Variants in SFRP1 observed in about 807,000 individuals in gnomAD.
SFRP1 encodes secreted frizzled-related protein 1.
In SFRP1, 9 loss-of-function variants were observed where a neutral mutation model predicts 25.9. The observed-to-expected ratio is 0.35, with a 90% CI of 0.21 to 0.61. The LOEUF (loss-of-function observed/expected upper bound fraction) is 0.61, where lower values mean the gene tolerates loss of function less well. Ranked by LOEUF, SFRP1 falls within the 20% of genes least tolerant of loss-of-function variation. The pLI is 0.78. For synonymous variants in SFRP1, 178 were observed against 174.0 expected, an observed-to-expected ratio of 1.02 and a Z score of -0.18; for missense variants, 346 against 418.2, an observed-to-expected ratio of 0.83 and a Z score of 1.51.
intron 2 of SFRP1, among the ~76,000 whole-genome samples, chr8:41,294,509 T>G (rs1803816664): frequency 3.3e-5 from 5 of 152,128 alleles, no homozygotes; most frequent in Admixed American, 3.3e-4. Context: ...GGGAAGCTGG[T>G]TTCTCGTTTT....
rs1162079487 is a variant in SFRP1, at chr8:41,308,824, G to C, written c.336C>G (p.Phe112Leu). 1 of 1,610,500 alleles carries C rather than the reference G, an allele frequency of 6.2e-7. No homozygotes were observed. Among genetic ancestry groups the C allele is most frequent in the Admixed American group, 1.7e-5 (1 of 59,944 alleles). Reference sequence around the variant, plus strand: ...AGACGGGCGCGAAGAGCGAGCAGAGGAAGACCTGGGTGCCGGCGTGGCAGT... The same window carrying C: ...AGACGGGCGCGAAGAGCGAGCAGAGCAAGACCTGGGTGCCGGCGTGGCAGT... ...NKNCHAGTQV[F>L]LCSLFAPVCL... is the part of the protein sequence containing the mutation. Residue 112 changes from phenylalanine to leucine, a missense_variant, in exon 1 of 3, where the codon TTC (phenylalanine) becomes TTG (leucine). By Grantham distance (22) the Phe-to-Leu change is conservative (BLOSUM62 0). Coordinates refer to ENST00000220772, the MANE Select transcript of SFRP1 (RefSeq NM_003012.5).
In SFRP1 at chr8:41,264,158, A is replaced by G. The variant is rs1483627678; in HGVS notation, c.*1009T>C. ...TTCTAGCACACCTTTCAAATGCTCAATGTAGACTGTTTTAAAACCTTGAAA... is the reference window on the plus strand; with the variant it reads ...TTCTAGCACACCTTTCAAATGCTCAGTGTAGACTGTTTTAAAACCTTGAAA... On this transcript the variant is annotated 3_prime_UTR_variant, in exon 3 of 3. Coordinates refer to ENST00000220772, the MANE Select transcript of SFRP1 (RefSeq NM_003012.5). 1 of 152,224 alleles carries G rather than the reference A, an allele frequency of 6.6e-6. No individual in the cohort carries two copies. The highest frequency in any genetic ancestry group is 1.5e-5 in the Non-Finnish European group (1 of 68,038). The allele number at this position is 152,224 out of a possible 1,614,324, so 9.4% of individuals were successfully genotyped here.
At chr8:41,271,316 C>T (rs555257459) in intron 2 of SFRP1, 1 of 153,888 alleles carries the variant, frequency 6.5e-6, no homozygotes, top group East Asian at 1.9e-4. Flanking sequence ...ATGGCAGAGA[C>T]TGTAACATAC....
chr8:41,299,070 G>A (rs1220809150), intron 2 of SFRP1, among the ~76,000 whole-genome samples: 5 of 151,946 alleles, frequency 3.3e-5, no homozygotes, highest in African/African-American at 4.8e-5. Context: ...ACACTGGCTC[G>A]GCCTCCATCT....
At chr8:41,288,050 T>C (rs1038982558) in intron 2 of SFRP1, among the ~76,000 whole-genome samples, 1 of 132,346 alleles carries the variant, frequency 7.6e-6, no homozygotes, top group Non-Finnish European at 1.7e-5. Context: ...AGACCCCGTT[T>C]CTATAAAAAA....
chr8:41,306,586 G>A lies in SFRP1; in HGVS notation c.544+2030C>T, dbSNP rs1803999702. On this transcript the variant is annotated intron_variant, in intron 1 of 2. Coordinates refer to ENST00000220772, the MANE Select transcript of SFRP1 (RefSeq NM_003012.5). ...CACCAGGGATTGCAGTCCTGGGGAGGGTGGTGTGCCATCTCAGGGCAGAGC... is the reference window on the plus strand; with the variant it reads ...CACCAGGGATTGCAGTCCTGGGGAGAGTGGTGTGCCATCTCAGGGCAGAGC... The A allele has an allele frequency of 2.0e-5, 20 of 1,020,564 alleles. 1 individual carries two copies. In the South Asian group the frequency reaches 3.3e-4, roughly 17 times the overall value. The allele number at this position is 1,020,564 out of a possible 1,614,324, so 63.2% of individuals were successfully genotyped here. A position where few individuals can be genotyped will look rare whatever the true frequency, so the allele number is the denominator to read the frequency against.
intron 2 of SFRP1, among the ~76,000 whole-genome samples, chr8:41,272,219 A>G (rs1324862425): frequency 6.6e-6 from 1 of 152,252 alleles, no homozygotes. Flanking sequence ...AATATTAACC[A>G]AAAGTGTGAT....
At chr8:41,301,549 C>A (rs1217011882) in intron 2 of SFRP1, among the ~76,000 whole-genome samples, 1 of 152,208 alleles carries the variant, frequency 6.6e-6, no homozygotes, top group Non-Finnish European at 1.5e-5. Context: ...ATACACCATA[C>A]GCACACTAAG....
At chr8:41,306,477 A>G (rs994487562) in intron 1 of SFRP1, among the ~76,000 whole-genome samples, 5 of 145,460 alleles carry the variant, frequency 3.4e-5, no homozygotes, top group Non-Finnish European at 7.4e-5. Flanking sequence ...CCCTCTACAC[A>G]CCTACACACA....
At chr8:41,271,475 G>A (rs141777644) in intron 2 of SFRP1, 193 of 186,734 alleles carry the variant, frequency 1.0e-3, no homozygotes, top group African/African-American at 3.5e-3. Flanking sequence ...AAAAAAATTC[G>A]GCCAGGGTTC....
In SFRP1 at chr8:41,264,783, C is replaced by T. The variant is rs1803413960; in HGVS notation, c.*384G>A. The T allele has an allele frequency of 5.2e-6, 1 of 191,030 alleles. No homozygotes were observed. Among genetic ancestry groups the T allele is most frequent in the Non-Finnish European group, 1.1e-5 (1 of 93,012 alleles). 11.8% of individuals were successfully genotyped at this position (191,030 alleles called of 1,614,324 possible). A position where few individuals can be genotyped will look rare whatever the true frequency, so the allele number is the denominator to read the frequency against. ...GAAAGGCATAGATCAGCCAATAGAT[C>T]CACACCAACAAGTTGCAAAATGTAG... On this transcript the variant is annotated 3_prime_UTR_variant, in exon 3 of 3. Transcript: ENST00000220772.
chr8:41,264,958 C>T lies in SFRP1; in HGVS notation c.*209G>A. ...AAAAACCTTCCTAATCTAAATGGCC[C>T]TTGCTTTACCCGGCCATGGCTACCC... On this transcript the variant is annotated 3_prime_UTR_variant, in exon 3 of 3. Coordinates refer to ENST00000220772, the MANE Select transcript of SFRP1 (RefSeq NM_003012.5). 3.6e-6 allele frequency: 2 copies of T among 549,434 alleles called. No individual in the cohort carries two copies. The highest frequency in any genetic ancestry group is 6.4e-6 in the Non-Finnish European group (2 of 311,478). The allele number at this position is 549,434 out of a possible 1,614,324, so 34.0% of individuals were successfully genotyped here. A position where few individuals can be genotyped will look rare whatever the true frequency, so the allele number is the denominator to read the frequency against.
intron 2 of SFRP1, among the ~76,000 whole-genome samples, chr8:41,278,526 A>G (rs1208348145): frequency 1.3e-5 from 2 of 152,144 alleles, no homozygotes; most frequent in African/African-American, 4.8e-5. Context: ...GCATCTTCCT[A>G]TTTCCTTTCC....
rs372814919 is a variant in SFRP1 at position 41,307,173 on chromosome 8, C to T, written c.544+1443G>A. 3.1e-3 allele frequency among the ~76,000 whole-genome samples: 469 copies of T among 152,320 alleles called. 1 individual carries two copies. The highest frequency in any genetic ancestry group is 0.011 in the African/African-American group (448 of 41,560). On this transcript the variant is annotated intron_variant, in intron 1 of 2. Transcript: ENST00000220772. ...CAGAACACAAGGCGCTTTGTTTGCT[C>T]CAGGTAACTGCTCAGTTCTCGCTCA...
intron 2 of SFRP1, among the ~76,000 whole-genome samples, chr8:41,272,021 A>C (rs573606147): frequency 6.6e-6 from 1 of 152,356 alleles, no homozygotes; most frequent in East Asian, 1.9e-4. Flanking sequence ...TTCCTAAAAC[A>C]AGAACAGAAA....
intron 2 of SFRP1, among the ~76,000 whole-genome samples, chr8:41,266,524 C>T (rs902833535): frequency 6.6e-6 from 1 of 151,972 alleles, no homozygotes; most frequent in African/African-American, 2.4e-5. Context: ...CAGCCTCAAA[C>T]TCCCGGGCTC....
At chr8:41,268,381 A>G (rs530049074) in intron 2 of SFRP1, among the ~76,000 whole-genome samples, 1 of 152,368 alleles carries the variant, frequency 6.6e-6, no homozygotes, top group Non-Finnish European at 1.5e-5. Context: ...CGACCCGGTT[A>G]GAAGTGATAT....
In SFRP1 at chr8:41,269,313, G is replaced by A. The variant is rs575780914; in HGVS notation, c.623-3824C>T. Among the ~76,000 whole-genome samples the A allele has an allele frequency of 2.6e-4, 39 of 152,168 alleles. No homozygotes were observed. In the South Asian group the frequency reaches 8.1e-3, roughly 32 times the overall value. On this transcript the variant is annotated intron_variant, in intron 2 of 2. Transcript: ENST00000220772. ...CAATTTTAACATCCTCCAAGGGTAG[G>A]ACATGACTCCCACCTAGGCATAGCT...
chr8:41,301,889 G>A (rs908690068), intron 2 of SFRP1, among the ~76,000 whole-genome samples: 2 of 152,150 alleles, frequency 1.3e-5, no homozygotes, highest in Admixed American at 1.3e-4. Flanking sequence ...TGCTGCCGTG[G>A]GAAGAAGATG....
Sources: allele counts gnomAD v4.1 joint callset (sites outside exome capture counted in the v4.1 genomes callset), GRCh38; gene constraint gnomAD v4.1.1; transcripts MANE v1.5; gene names NCBI Gene and HGNC (gene_info 2026-07-23, HGNC 2026-07-21).